Variants in PRUNE2 observed in about 807,000 individuals in gnomAD.
PRUNE2 encodes the protein prune homolog 2 with BCH domain, also known as protein prune homolog 2.
Under a neutral mutation model 252.0 loss-of-function variants are expected in PRUNE2, and 164 were observed. That is an observed-to-expected ratio of 0.65 (90% CI 0.57 to 0.74). The LOEUF is 0.74. Among genes scored for constraint, PRUNE2 ranks in the 30% least tolerant of loss-of-function variants. The pLI, the probability that PRUNE2 is intolerant of heterozygous loss-of-function variation, is 0.00. For missense variants in PRUNE2, 3,495 were observed against 3,711.0 expected (o/e 0.94, Z 1.51); for synonymous variants, 1,292 against 1,350.2 (o/e 0.96, Z 0.94).
At chr9:76,774,097 G>C (rs888433285) in intron 6 of PRUNE2, among the ~76,000 whole-genome samples, 2 of 152,118 alleles carry the variant, frequency 1.3e-5, no homozygotes, top group African/African-American at 2.4e-5. Context: ...GCAGAGTAGA[G>C]GGAAAAGAAT....
intron 1 of PRUNE2, among the ~76,000 whole-genome samples, chr9:76,903,431 T>A (rs924233673): frequency 6.6e-6 from 1 of 151,990 alleles, no homozygotes; most frequent in African/African-American, 2.4e-5. Context: ...TTAGGTATCA[T>A]ATAGCTAAAC....
At chr9:76,853,415 G>A (rs140098733) in intron 2 of PRUNE2, among the ~76,000 whole-genome samples, 2 of 152,280 alleles carry the variant, frequency 1.3e-5, no homozygotes, top group South Asian at 2.1e-4. Context: ...TAGGCTTTAC[G>A]TTAATAAAAA....
At chr9:76,670,188 G>A (rs1378944508) in intron 9 of PRUNE2, among the ~76,000 whole-genome samples, 1 of 152,212 alleles carries the variant, frequency 6.6e-6, no homozygotes, top group African/African-American at 2.4e-5. Flanking sequence ...AGGTCAGTGG[G>A]TGCGCGCACC....
intron 6 of PRUNE2, among the ~76,000 whole-genome samples, chr9:76,803,383 A>G (rs186764174): frequency 3.9e-5 from 6 of 152,320 alleles, no homozygotes; most frequent in Admixed American, 2.0e-4. Context: ...TAGGACATAT[A>G]CAGATAAGCA....
rs1188477612 is a variant in PRUNE2 at position 76,868,841 on chromosome 9, G to GT, written c.37-14634_37-14633insA. 4 of 100,144 alleles carry GT rather than the reference G, an allele frequency of 4.0e-5. No homozygotes were observed. In the East Asian group the frequency reaches 1.5e-3, roughly 39 times the overall value. The allele number at this position is 100,144 out of a possible 1,614,324, so 6.2% of individuals were successfully genotyped here. A position where few individuals can be genotyped will look rare whatever the true frequency, so the allele number is the denominator to read the frequency against. On this transcript the variant is annotated intron_variant, in intron 1 of 18. Transcript: ENST00000376718. Reference sequence around the variant, plus strand: ...CTTTAACAGATCCTTGGGGGGTGGGGGGGGGGGCGGGGGGGAAGGAAAGGC... The same window carrying GT: ...CTTTAACAGATCCTTGGGGGGTGGGGTGGGGGGGCGGGGGGGAAGGAAAGGC...
Position 76,624,349 on chromosome 9 carries a change from A to T in PRUNE2, c.9188+103T>A, listed in dbSNP as rs1833754681. The T allele has an allele frequency of 7.5e-6, 5 of 667,260 alleles. 1 individual carries two copies. In the South Asian group the frequency reaches 2.2e-4, roughly 30 times the overall value. The allele number at this position is 667,260 out of a possible 1,614,324, so 41.3% of individuals were successfully genotyped here. Reference sequence around the variant, plus strand: ...AAGAGAATTTCTAAAGTGCATTATTATCAGGAAGCAGGAATAAAACACCAG... The same window carrying T: ...AAGAGAATTTCTAAAGTGCATTATTTTCAGGAAGCAGGAATAAAACACCAG... On this transcript the variant is annotated intron_variant, in intron 17 of 18. Transcript: ENST00000376718.
At chr9:76,898,786 G>A (rs1006614606) in intron 1 of PRUNE2, among the ~76,000 whole-genome samples, 1 of 152,160 alleles carries the variant, frequency 6.6e-6, no homozygotes, top group Non-Finnish European at 1.5e-5. Context: ...TCAAATGCAT[G>A]GAGCCAAAGA....
chr9:76,646,739 C>T (rs1378164264), intron 11 of PRUNE2, among the ~76,000 whole-genome samples: 1 of 152,134 alleles, frequency 6.6e-6, no homozygotes, highest in Non-Finnish European at 1.5e-5. Flanking sequence ...TTGTACACAC[C>T]CTCCTTTCCC....
At chr9:76,766,231 T>C (rs1403992536) in intron 6 of PRUNE2, among the ~76,000 whole-genome samples, 1 of 148,178 alleles carries the variant, frequency 6.7e-6, no homozygotes, top group African/African-American at 2.5e-5. Flanking sequence ...AAATGCAATA[T>C]CATTTTTGAT....
At chr9:76,875,922 T>C (rs1589718984) in intron 1 of PRUNE2, among the ~76,000 whole-genome samples, 1 of 152,200 alleles carries the variant, frequency 6.6e-6, no homozygotes, top group South Asian at 2.1e-4. Flanking sequence ...TAAAAACACA[T>C]AGCCCTGGTC....
In PRUNE2 at chr9:76,881,024, G is replaced by A. The variant is rs150082889; in HGVS notation, c.36+24904C>T. Among the ~76,000 whole-genome samples, 260 of 147,216 alleles carry A rather than the reference G, an allele frequency of 1.8e-3. 11 individuals are homozygous for A. The East Asian group carries it at 0.04, about 22-fold the overall frequency. ...CGCCCAGGCTGGAGTGCAGTTGTGT[G>A]GTCTAGACTCACTGCAACCTCCACC... On this transcript the variant is annotated intron_variant, in intron 1 of 18. Transcript: ENST00000376718.
Position 76,794,514 on chromosome 9 carries a change from C to A in PRUNE2, c.756+29118G>T, listed in dbSNP as rs145179320. On this transcript the variant is annotated intron_variant, in intron 6 of 18. Coordinates refer to ENST00000376718, the MANE Select transcript of PRUNE2 (RefSeq NM_015225.3). ...CCTGTAGTCCCAGCTACTCGGGAGGCTGAGGCAAGAGAATCGCTTGAATCT... is the reference window on the plus strand; with the variant it reads ...CCTGTAGTCCCAGCTACTCGGGAGGATGAGGCAAGAGAATCGCTTGAATCT... Among the ~76,000 whole-genome samples, 1,448 of 150,370 alleles carry A rather than the reference C, an allele frequency of 9.6e-3. 20 individuals are homozygous for A. Among genetic ancestry groups the A allele is most frequent in the African/African-American group, 0.034 (1,385 of 40,856 alleles).
chr9:76,702,284 C>T (rs2045945377), intron 9 of PRUNE2, among the ~76,000 whole-genome samples: 1 of 152,092 alleles, frequency 6.6e-6, no homozygotes, highest in East Asian at 1.9e-4. Context: ...TTTCAAACTC[C>T]TGACCTCAAG....
Position 76,703,512 on chromosome 9 carries a change from T to A in PRUNE2, c.8101A>T (p.Ser2701Cys), listed in dbSNP as rs776759164. The change falls in exon 9 of 19, where the codon AGT becomes TGT. Residue 2701 changes from serine (S) to cysteine (C), a missense_variant. By Grantham distance (112) the Ser-to-Cys change is moderately radical. Transcript: ENST00000376718. ...ASGPVSQSQK[S>C]KSRGRAGPDA... The stretch of plus-strand genomic sequence containing the variant: ...GGGCCAGCCCTGCCTCGGCTCTTAC[T>A]CTTCTGTGATTGGCTGACTGGACCA... 6.2e-7 allele frequency: 1 copy of A among 1,613,900 alleles called. No individual in the cohort carries two copies. Among genetic ancestry groups the A allele is most frequent in the East Asian group, 2.2e-5 (1 of 44,878 alleles).
intron 15 of PRUNE2, among the ~76,000 whole-genome samples, chr9:76,635,115 A>G (rs1173483157): frequency 6.6e-6 from 1 of 152,032 alleles, no homozygotes; most frequent in Non-Finnish European, 1.5e-5. Context: ...GACTATAGGC[A>G]CACCACCACC....
At position 76,707,898 on chromosome 9, in the gene PRUNE2, G is replaced by T; in HGVS notation, c.4376C>A (p.Pro1459His). The T allele has an allele frequency of 6.2e-7, 1 of 1,613,778 alleles. No individual in the cohort carries two copies. Among genetic ancestry groups the T allele is most frequent in the East Asian group, 2.2e-5 (1 of 44,882 alleles). Residue 1459 changes from proline to histidine, a missense_variant, in exon 8 of 19, where the codon CCT (proline) becomes CAT (histidine). By Grantham distance (77) the Pro-to-His change is moderately conservative (BLOSUM62 -2). Transcript: ENST00000376718. Reference protein sequence around the residue: ...GMNFTKYVSVPEKDLEKTEEC... With the variant: ...GMNFTKYVSVHEKDLEKTEEC... ...TTCAGTTTTCTCAAGATCCTTTTCA[G>T]GTACAGATACATATTTTGTGAAATT...
intron 17 of PRUNE2, among the ~76,000 whole-genome samples, chr9:76,620,216 T>A (rs938555755): frequency 6.6e-6 from 1 of 151,586 alleles, no homozygotes; most frequent in African/African-American, 2.4e-5. Flanking sequence ...CTTGGCTCAC[T>A]GCAACCTCTG....
Position 76,810,771 on chromosome 9 carries a change from C to T in PRUNE2, c.756+12861G>A, listed in dbSNP as rs554933428. ...TGTACTAAAAAAAAAGTCTTTGTTACTTAGGGAACCAATTCAGTATTGACC... is the reference window on the plus strand; with the variant it reads ...TGTACTAAAAAAAAAGTCTTTGTTATTTAGGGAACCAATTCAGTATTGACC... On this transcript the variant is annotated intron_variant, in intron 6 of 18. Coordinates refer to ENST00000376718, the MANE Select transcript of PRUNE2 (RefSeq NM_015225.3). 1.8e-4 allele frequency among the ~76,000 whole-genome samples: 28 copies of T among 152,240 alleles called. 1 individual carries two copies. The South Asian group carries it at 5.6e-3, about 30-fold the overall frequency.
intron 5 of PRUNE2, 67 bp from the exon 6 acceptor site, chr9:76,823,793 G>T (rs1351362495): frequency 2.1e-6 from 2 of 938,708 alleles, no homozygotes; most frequent in African/African-American, 1.7e-5. Context: ...AATATCAAGC[G>T]ATGTTTTGAA....
Sources: gnomAD v4.1 joint callset for allele counts (sites outside exome capture counted in the v4.1 genomes callset) on GRCh38, gnomAD v4.1.1 for gene constraint, MANE v1.5 for transcripts, NCBI Gene and HGNC (gene_info 2026-07-23, HGNC 2026-07-21) for gene names.